The following TBC1D5 variants were observed in gnomAD, a reference collection of about 807,000 sequenced individuals.
TBC1D5 encodes TBC1 domain family, member 5.
Under a neutral mutation model 100.3 loss-of-function variants are expected in TBC1D5, and 75 were observed. The observed-to-expected ratio is 0.75, with a 90% CI of 0.62 to 0.91. The LOEUF (loss-of-function observed/expected upper bound fraction) is 0.91, where lower values mean the gene tolerates loss of function less well. Among genes scored for constraint, TBC1D5 ranks in the 40% least tolerant of loss-of-function variants. The pLI is 0.00. For missense variants in TBC1D5, 910 were observed against 942.4 expected, an observed-to-expected ratio of 0.97 and a Z score of 0.45; for synonymous variants, 323 against 325.6, an observed-to-expected ratio of 0.99 and a Z score of 0.09.
chr3:17,509,631 CATG>C (rs2095879861), intron 2 of TBC1D5, among the ~76,000 whole-genome samples: 1 of 151,964 alleles, frequency 6.6e-6, no homozygotes, highest in Non-Finnish European at 1.5e-5. Flanking sequence ...TGACTGTCTT[CATG>C]ATATCTAAAC....
chr3:17,675,340 T>C (rs2068488822), intron 1 of TBC1D5, among the ~76,000 whole-genome samples: 1 of 152,118 alleles, frequency 6.6e-6, no homozygotes, highest in Non-Finnish European at 1.5e-5. Flanking sequence ...AACGTTCTAC[T>C]AAAGATAGCT....
chr3:17,448,830 T>G (rs1321443183), intron 3 of TBC1D5, among the ~76,000 whole-genome samples: 2 of 152,198 alleles, frequency 1.3e-5, no homozygotes, highest in Admixed American at 1.3e-4. Context: ...TTAATGAACA[T>G]CAGCTTTAAC....
At chr3:17,702,155 T>C (rs1226962731) in intron 1 of TBC1D5, 3 of 152,200 alleles carry the variant, frequency 2.0e-5, no homozygotes, top group Non-Finnish European at 4.4e-5. Context: ...TCGTCTTCAA[T>C]GTGAGGTGAG....
chr3:17,327,946 T>G (rs1446046634), intron 13 of TBC1D5, among the ~76,000 whole-genome samples: 1 of 152,172 alleles, frequency 6.6e-6, no homozygotes, highest in Non-Finnish European at 1.5e-5. Flanking sequence ...GAAATTATGA[T>G]ATGCTAGAGT....
intron 2 of TBC1D5, among the ~76,000 whole-genome samples, chr3:17,546,800 A>G (rs186967937): frequency 6.6e-6 from 1 of 151,574 alleles, no homozygotes; most frequent in Non-Finnish European, 1.5e-5. Flanking sequence ...AAAAAAAAAG[A>G]AAGAAAGAAA....
chr3:17,729,126 C>G (rs1229729803), intron 1 of TBC1D5, among the ~76,000 whole-genome samples: 5 of 149,562 alleles, frequency 3.3e-5, no homozygotes, highest in African/African-American at 1.2e-4. Flanking sequence ...TGCCAACAGA[C>G]TAACCAAAAA....
At chr3:17,573,501 A>G (rs1221441850) in intron 2 of TBC1D5, among the ~76,000 whole-genome samples, 2 of 152,034 alleles carry the variant, frequency 1.3e-5, no homozygotes, top group Admixed American at 1.3e-4. Context: ...CTCTTACAGG[A>G]AAAAAGAAAA....
intron 18 of TBC1D5, among the ~76,000 whole-genome samples, chr3:17,207,154 G>A (rs1489145955): frequency 6.6e-6 from 1 of 152,072 alleles, no homozygotes; most frequent in Admixed American, 6.5e-5. Context: ...TGCCTAGGCT[G>A]AGAATTTTTC....
At chr3:17,626,421 A>C (rs2063066938) in intron 1 of TBC1D5, among the ~76,000 whole-genome samples, 2 of 152,196 alleles carry the variant, frequency 1.3e-5, no homozygotes, top group Admixed American at 1.3e-4. Flanking sequence ...TTTGTAATGA[A>C]CTGTACATGG....
chr3:17,266,168 G>A (rs2078826904), intron 15 of TBC1D5, among the ~76,000 whole-genome samples: 1 of 152,082 alleles, frequency 6.6e-6, no homozygotes, highest in South Asian at 2.1e-4. Flanking sequence ...GATATTCACT[G>A]ATTGCTAGAG....
chr3:17,552,862 G>A (rs1424011016), intron 2 of TBC1D5, among the ~76,000 whole-genome samples: 1 of 152,114 alleles, frequency 6.6e-6, no homozygotes, highest in Non-Finnish European at 1.5e-5. Context: ...GAGGCCCAAA[G>A]GCAGAACTGA....
intron 1 of TBC1D5, among the ~76,000 whole-genome samples, chr3:17,661,236 A>G (rs961171239): frequency 5.9e-5 from 9 of 152,224 alleles, no homozygotes; most frequent in Non-Finnish European, 1.2e-4. Flanking sequence ...TCTGGAGTCT[A>G]ATGGCTCCAT....
At chr3:17,357,112 T>C (rs2091287845) in intron 13 of TBC1D5, among the ~76,000 whole-genome samples, 1 of 152,166 alleles carries the variant, frequency 6.6e-6, no homozygotes, top group African/African-American at 2.4e-5. Context: ...CATTATGTCT[T>C]ACCACCAGCA....
At chr3:17,598,964 G>T (rs960101401) in intron 2 of TBC1D5, among the ~76,000 whole-genome samples, 1 of 152,186 alleles carries the variant, frequency 6.6e-6, no homozygotes, top group African/African-American at 2.4e-5. Flanking sequence ...AGCTTTAAGG[G>T]TCAGGTACAG....
At position 17,676,952 on chromosome 3, in the gene TBC1D5, G is replaced by T. The variant is rs1012035086; in HGVS notation, c.-100-53039C>A. ...GCTGGGAAAACTGGCTAGCCATATGGAGAAAGCTGAAACTGGATCCCTTCC... is the reference window on the plus strand; with the variant it reads ...GCTGGGAAAACTGGCTAGCCATATGTAGAAAGCTGAAACTGGATCCCTTCC... On this transcript the variant is annotated intron_variant, in intron 1 of 21. Coordinates refer to ENST00000253692, the Ensembl canonical transcript of TBC1D5. 3.2e-3 allele frequency among the ~76,000 whole-genome samples: 484 copies of T among 152,156 alleles called. 1 individual carries two copies. Among genetic ancestry groups the T allele is most frequent in the African/African-American group, 0.011 (453 of 41,520 alleles).
At chr3:17,246,467 A>C (rs890525704) in intron 16 of TBC1D5, among the ~76,000 whole-genome samples, 4 of 152,218 alleles carry the variant, frequency 2.6e-5, no homozygotes, top group Non-Finnish European at 5.9e-5. Context: ...TAGAATAGTG[A>C]AAGTAATAAA....
At chr3:17,653,659 A>T (rs1265704755) in intron 1 of TBC1D5, among the ~76,000 whole-genome samples, 2 of 152,188 alleles carry the variant, frequency 1.3e-5, no homozygotes, top group Non-Finnish European at 2.9e-5. Flanking sequence ...AAACTGGTGA[A>T]ATATGAACAA....
At position 17,560,689 on chromosome 3, in the gene TBC1D5, G is replaced by A. The variant is rs889141225; in HGVS notation, c.-35-52084C>T. ...TGTAATCCCAGCACTTTGGGAGGCT[G>A]AGGCAGGTGGATCATGAGGTCAGGA... On this transcript the variant is annotated intron_variant, in intron 2 of 21. Coordinates refer to ENST00000253692, the Ensembl canonical transcript of TBC1D5. Among the ~76,000 whole-genome samples, 3 of 151,826 alleles carry A rather than the reference G, an allele frequency of 2.0e-5. No individual in the cohort carries two copies. The East Asian group carries it at 5.8e-4, about 29-fold the overall frequency.
At position 17,437,595 on chromosome 3, in the gene TBC1D5, AAG is replaced by A. The variant is rs2094558912; in HGVS notation, c.98-9078_98-9077del. Among the ~76,000 whole-genome samples, 5 of 134,642 alleles carry A rather than the reference AAG, an allele frequency of 3.7e-5. No individual in the cohort carries two copies. In the East Asian group the frequency reaches 1.2e-3, roughly 32 times the overall value. 88.3% of individuals were successfully genotyped at this position (134,642 alleles called of 152,430 possible). A position where few individuals can be genotyped will look rare whatever the true frequency, so the allele number is the denominator to read the frequency against. On this transcript the variant is annotated intron_variant, in intron 3 of 21. Transcript: ENST00000253692. The stretch of plus-strand genomic sequence containing the variant: ...GTGTGTGTGTGTGTGGTGGGATGGA[AAG>A]AGGGGAGAGAGACAGAGACAGAGGT...
Sources: allele counts gnomAD v4.1 joint callset (sites outside exome capture counted in the v4.1 genomes callset), GRCh38; gene constraint gnomAD v4.1.1; transcripts MANE v1.5; gene names NCBI Gene and HGNC (gene_info 2026-07-23, HGNC 2026-07-21).